The following ERMP1 variants were observed in gnomAD, a reference collection of about 807,000 sequenced individuals.
ERMP1 encodes the protein Felix-ina.
A neutral mutation model predicts 92.0 loss-of-function variants in ERMP1; 86 were observed. The observed-to-expected ratio is 0.93, with a 90% CI of 0.79 to 1.12. The LOEUF (loss-of-function observed/expected upper bound fraction) is 1.12, where lower values mean the gene tolerates loss of function less well. ERMP1 is among the 50% of genes most tolerant of loss of function. The pLI, the probability that ERMP1 is intolerant of heterozygous loss-of-function variation, is 0.00. For synonymous variants in ERMP1, 530 were observed against 412.8 expected (o/e 1.28, Z -3.44); for missense variants, 1,342 against 1,116.3 (o/e 1.20, Z -2.88).
chr9:5,859,136 T>G (rs1830425844), intron 6 of ERMP1, among the ~76,000 whole-genome samples: 1 of 152,234 alleles, frequency 6.6e-6, no homozygotes, highest in South Asian at 2.1e-4. Flanking sequence ...ATGTCCTCTC[T>G]CTGTGTTCCT....
chr9:5,812,806 G>T, intron 5 of ERMP1, 83 bp downstream of exon 5: 1 of 1,445,382 alleles, frequency 6.9e-7, no homozygotes, highest in Admixed American at 1.7e-5. Context: ...AGAAAATGCT[G>T]TTTACTCACA....
intron 6 of ERMP1, among the ~76,000 whole-genome samples, chr9:5,841,283 G>C (rs1830159650): frequency 3.3e-5 from 5 of 152,212 alleles, no homozygotes; most frequent in Non-Finnish European, 5.9e-5. Context: ...AAGGAATGAA[G>C]TACTGATACG....
intron 4 of ERMP1, among the ~76,000 whole-genome samples, chr9:5,819,123 T>C (rs570641858): frequency 1.3e-5 from 2 of 152,318 alleles, no homozygotes; most frequent in Admixed American, 1.3e-4. Flanking sequence ...ACATGAATGT[T>C]TACTCCAGCA....
intron 12 of ERMP1, 138 bp downstream of exon 12, chr9:5,798,668 T>C: frequency 3.5e-6 from 2 of 565,088 alleles, no homozygotes; most frequent in Non-Finnish European, 6.0e-6. Context: ...AAAAAAAAAG[T>C]TTCATAATGA....
At chr9:5,794,445 A>C (rs1428776766) in intron 13 of ERMP1, among the ~76,000 whole-genome samples, 1 of 152,096 alleles carries the variant, frequency 6.6e-6, no homozygotes, top group African/African-American at 2.4e-5. Flanking sequence ...TCAATAGAGA[A>C]AACCAACTAT....
chr9:5,823,009 G>A (rs1034750222), intron 4 of ERMP1, among the ~76,000 whole-genome samples: 2 of 152,148 alleles, frequency 1.3e-5, no homozygotes, highest in South Asian at 2.1e-4. Flanking sequence ...TCTGGGCCAG[G>A]CATGGTGGTT....
Position 5,787,611 on chromosome 9 carries a change from G to GA in ERMP1, c.2387-19dup. On this transcript the variant is annotated intron_variant, in intron 13 of 14. Transcript: ENST00000339450. ...GCTTGGTCCTGTAAGGTAAAAGGAAGAAAGAACAGTTAATCTTTTTAAAAG... is the reference window on the plus strand; with the variant it reads ...GCTTGGTCCTGTAAGGTAAAAGGAAGAAAAGAACAGTTAATCTTTTTAAAAG... The GA allele has an allele frequency of 6.3e-7, 1 of 1,595,576 alleles. No individual in the cohort carries two copies. Among genetic ancestry groups the GA allele is most frequent in the Non-Finnish European group, 8.5e-7 (1 of 1,174,176 alleles).
chr9:5,811,380 T>G, intron 6 of ERMP1, 57 bp from the exon 7 acceptor site: 1 of 1,346,022 alleles, frequency 7.4e-7, no homozygotes, highest in Admixed American at 2.0e-5. Context: ...AAAGGCTGAA[T>G]AAACTATTTG....
chr9:5,827,808 C>T (rs1829781293), intron 2 of ERMP1, among the ~76,000 whole-genome samples: 1 of 151,028 alleles, frequency 6.6e-6, no homozygotes, highest in South Asian at 2.1e-4. Flanking sequence ...GAGCGAGACT[C>T]CGTCTCAAAA....
upstream of ERMP1, among the ~76,000 whole-genome samples, chr9:5,835,595 G>A (rs576149497): frequency 3.9e-5 from 6 of 152,318 alleles, no homozygotes; most frequent in South Asian, 6.2e-4. Context: ...CAGAGGCAAC[G>A]TCGAATAAGG....
rs7856883 is a variant in ERMP1, at chr9:5,810,288, A to G, written c.1328-57T>C. 9,565 of 1,309,708 alleles carry G rather than the reference A, an allele frequency of 7.3e-3. 61 individuals carry two copies. Among genetic ancestry groups the G allele is most frequent in the Non-Finnish European group, 9.3e-3 (8,457 of 912,010 alleles). 81.1% of individuals were successfully genotyped at this position (1,309,708 alleles called of 1,614,324 possible). A position where few individuals can be genotyped will look rare whatever the true frequency, so the allele number is the denominator to read the frequency against. On this transcript the variant is annotated intron_variant, in intron 7 of 14. Coordinates refer to ENST00000339450, the MANE Select transcript of ERMP1 (RefSeq NM_024896.3). Reference sequence around the variant, plus strand: ...CCATCTTCATCAAATCAGTTATATAACCAGTCAGTAGAGCTAAATGGGCAA... The same window carrying G: ...CCATCTTCATCAAATCAGTTATATAGCCAGTCAGTAGAGCTAAATGGGCAA...
At chr9:5,799,650 G>T (rs1828592757) in intron 11 of ERMP1, among the ~76,000 whole-genome samples, 1 of 152,162 alleles carries the variant, frequency 6.6e-6, no homozygotes, top group South Asian at 2.1e-4. Context: ...ATTTGTTTGG[G>T]TATACTCTGT....
chr9:5,828,697 T>C (rs926644757), intron 2 of ERMP1, among the ~76,000 whole-genome samples: 1 of 152,220 alleles, frequency 6.6e-6, no homozygotes, highest in Non-Finnish European at 1.5e-5. Flanking sequence ...GTGCATGTGT[T>C]AATAAACTTC....
rs149584917 is a variant in ERMP1 at position 5,793,688 on chromosome 9, TAGC to T, written c.2386+4126_2386+4128del. On this transcript the variant is annotated intron_variant, in intron 13 of 14. Transcript: ENST00000339450. ...AGCTGACTTTTAAAGCAAGGAAAAT[TAGC>T]AGCGATAAAGAGGGGCAATGCATAA... Among the ~76,000 whole-genome samples, 319 of 152,184 alleles carry T rather than the reference TAGC, an allele frequency of 2.1e-3. 1 individual carries two copies. The highest frequency in any genetic ancestry group is 3.4e-3 in the Middle Eastern group (1 of 294).
chr9:5,859,985 A>C (rs769527919), intron 5 of ERMP1, among the ~76,000 whole-genome samples: 1 of 152,224 alleles, frequency 6.6e-6, no homozygotes, highest in Non-Finnish European at 1.5e-5. Flanking sequence ...TACATGCTAA[A>C]TAAGCTCAAC....
intron 6 of ERMP1, among the ~76,000 whole-genome samples, chr9:5,847,543 A>G (rs1394761379): frequency 2.0e-5 from 3 of 150,622 alleles, no homozygotes; most frequent in Non-Finnish European, 4.4e-5. Context: ...TGACCCCCAG[A>G]TGGCTTTTTC....
chr9:5,863,029 T>C (rs763376650), intron 5 of ERMP1, among the ~76,000 whole-genome samples: 1 of 152,200 alleles, frequency 6.6e-6, no homozygotes, highest in African/African-American at 2.4e-5. Context: ...TTTGAGCCCA[T>C]TTTTGCTTTG....
intron 1 of ERMP1, among the ~76,000 whole-genome samples, chr9:5,831,922 G>C (rs1452644159): frequency 6.6e-6 from 1 of 152,144 alleles, no homozygotes; most frequent in Non-Finnish European, 1.5e-5. Flanking sequence ...AGACGTTTCA[G>C]AAAGTCCTTA....
intron 4 of ERMP1, among the ~76,000 whole-genome samples, chr9:5,821,785 A>T (rs1279409210): frequency 6.6e-6 from 1 of 152,258 alleles, no homozygotes; most frequent in Non-Finnish European, 1.5e-5. Context: ...CTTAACACAT[A>T]GTATACTTCA....
Sources: allele counts gnomAD v4.1 joint callset (sites outside exome capture counted in the v4.1 genomes callset), GRCh38; gene constraint gnomAD v4.1.1; transcripts MANE v1.5; gene names NCBI Gene and HGNC (gene_info 2026-07-23, HGNC 2026-07-21).